The following LRFN2 variants were observed in gnomAD, a reference collection of about 807,000 sequenced individuals.
The protein encoded by LRFN2 is leucine rich repeat and fibronectin type III domain containing 2.
LRFN2 carries 18 observed loss-of-function variants against 37.3 expected under a neutral mutation model. The ratio of observed to expected loss-of-function variants is 0.48; its 90% confidence interval spans 0.33 to 0.72. LRFN2 has a LOEUF of 0.72. LRFN2 is among the 30% of genes least tolerant of loss of function. The pLI is 0.02. For missense variants in LRFN2, 1,006 were observed against 1,060.7 expected (o/e 0.95, Z 0.72); for synonymous variants, 556 against 466.6 (o/e 1.19, Z -2.47).
chr6:40,450,245 C>A (rs1764074131), intron 1 of LRFN2, among the ~76,000 whole-genome samples: 1 of 152,218 alleles, frequency 6.6e-6, no homozygotes, highest in South Asian at 2.1e-4. Context: ...ATGCTAGAAC[C>A]ACCTGCATAT....
intron 1 of LRFN2, among the ~76,000 whole-genome samples, chr6:40,582,593 G>T (rs1331885382): frequency 1.3e-5 from 2 of 151,576 alleles, no homozygotes; most frequent in Non-Finnish European, 2.9e-5. Flanking sequence ...AAAAAAGCAG[G>T]CCCAGACCTG....
At chr6:40,519,689 T>C (rs1003434282) in intron 1 of LRFN2, among the ~76,000 whole-genome samples, 11 of 152,228 alleles carry the variant, frequency 7.2e-5, no homozygotes, top group Admixed American at 3.9e-4. Context: ...CATTGAGTTT[T>C]AGTGTGGCTT....
intron 1 of LRFN2, among the ~76,000 whole-genome samples, chr6:40,457,604 A>T (rs1234413925): frequency 7.1e-6 from 1 of 141,608 alleles, no homozygotes. Flanking sequence ...ATACCTCTGC[A>T]CTCCAGCCTA....
intron 1 of LRFN2, among the ~76,000 whole-genome samples, chr6:40,586,112 C>T (rs909382388): frequency 1.3e-5 from 2 of 152,220 alleles, no homozygotes; most frequent in Non-Finnish European, 2.9e-5. Context: ...AACTCTCTGT[C>T]TCTGTCCTTT....
At chr6:40,516,478 C>A (rs1389665031) in intron 1 of LRFN2, 2 of 152,214 alleles carry the variant, frequency 1.3e-5, no homozygotes, top group African/African-American at 4.8e-5. Flanking sequence ...TTTCAGCCAT[C>A]TGAAGGCAGC....
At chr6:40,519,645 CA>C (rs1765992375) in intron 1 of LRFN2, among the ~76,000 whole-genome samples, 1 of 152,202 alleles carries the variant, frequency 6.6e-6, no homozygotes. Flanking sequence ...ACAGCCTCTC[CA>C]GTCAAACCAG....
At chr6:40,521,494 T>C (rs1366804406) in intron 1 of LRFN2, among the ~76,000 whole-genome samples, 1 of 152,216 alleles carries the variant, frequency 6.6e-6, no homozygotes, top group African/African-American at 2.4e-5. Flanking sequence ...TGCCAGAGAA[T>C]CACTAATTAC....
At chr6:40,539,612 G>A (rs936977114) in intron 1 of LRFN2, among the ~76,000 whole-genome samples, 21 of 152,288 alleles carry the variant, frequency 1.4e-4, no homozygotes, top group Middle Eastern at 3.4e-3. Context: ...TTTCAAGGTG[G>A]GAGGCACATC....
At chr6:40,398,213 A>G (rs1762655174) in intron 2 of LRFN2, among the ~76,000 whole-genome samples, 1 of 151,700 alleles carries the variant, frequency 6.6e-6, no homozygotes, top group South Asian at 2.1e-4. Context: ...CACCCACCAG[A>G]TGCCAGAACA....
chr6:40,569,268 C>G (rs575563833), intron 1 of LRFN2, among the ~76,000 whole-genome samples: 1 of 152,328 alleles, frequency 6.6e-6, no homozygotes, highest in African/African-American at 2.4e-5. Context: ...CCTATTGTTT[C>G]AAGGGAGGAC....
chr6:40,539,447 A>G (rs1025752395), intron 1 of LRFN2, among the ~76,000 whole-genome samples: 2 of 152,092 alleles, frequency 1.3e-5, no homozygotes, highest in African/African-American at 2.4e-5. Context: ...GAAAACATCC[A>G]CTCTCAGCAG....
chr6:40,476,734 C>T (rs1764715823), intron 1 of LRFN2, among the ~76,000 whole-genome samples: 1 of 152,268 alleles, frequency 6.6e-6, no homozygotes, highest in Non-Finnish European at 1.5e-5. Flanking sequence ...GCCTTCCTCT[C>T]ATCGTCACTT....
At chr6:40,511,018 C>T (rs1234881553) in intron 1 of LRFN2, among the ~76,000 whole-genome samples, 1 of 152,064 alleles carries the variant, frequency 6.6e-6, no homozygotes, top group East Asian at 1.9e-4. Flanking sequence ...AGTGAGCTGG[C>T]ATTCCAGGGG....
At chr6:40,468,376 A>G (rs1299905916) in intron 1 of LRFN2, among the ~76,000 whole-genome samples, 1 of 152,106 alleles carries the variant, frequency 6.6e-6, no homozygotes, top group Non-Finnish European at 1.5e-5. Context: ...TAAAAACATG[A>G]TAAGAAAGGG....
intron 1 of LRFN2, among the ~76,000 whole-genome samples, chr6:40,500,951 C>A (rs1581754388): frequency 7.1e-6 from 1 of 139,878 alleles, no homozygotes. Context: ...TGTTTTTTCA[C>A]TTTTTTTTTT....
intron 1 of LRFN2, among the ~76,000 whole-genome samples, chr6:40,507,557 T>C (rs1404010535): frequency 1.3e-5 from 2 of 152,228 alleles, no homozygotes; most frequent in Non-Finnish European, 2.9e-5. Flanking sequence ...TTAACCTCAG[T>C]GCCAAAGGGC....
At chr6:40,488,578 T>A in intron 1 of LRFN2, among the ~76,000 whole-genome samples, 1 of 152,192 alleles carries the variant, frequency 6.6e-6, no homozygotes, top group East Asian at 1.9e-4. Context: ...TGCCTGCCAT[T>A]CTGTCCCTTG....
chr6:40,514,105 C>A (rs1344382772), intron 1 of LRFN2, among the ~76,000 whole-genome samples: 3 of 151,744 alleles, frequency 2.0e-5, no homozygotes, highest in Non-Finnish European at 2.9e-5. Context: ...TTAATAAGAT[C>A]CAGTGAGAGG....
intron 1 of LRFN2, among the ~76,000 whole-genome samples, chr6:40,533,689 C>G (rs1361614598): frequency 6.6e-6 from 1 of 152,160 alleles, no homozygotes; most frequent in African/African-American, 2.4e-5. Context: ...GATGTGGGAA[C>G]TTCACATCCT....
Sources: gnomAD v4.1 joint callset for allele counts (sites outside exome capture counted in the v4.1 genomes callset) on GRCh38, gnomAD v4.1.1 for gene constraint, MANE v1.5 for transcripts, NCBI Gene and HGNC (gene_info 2026-07-23, HGNC 2026-07-21) for gene names.